The following BAZ2B variants were observed in gnomAD, a reference collection of about 807,000 sequenced individuals.
The protein encoded by BAZ2B is bromodomain adjacent to zinc finger domain 2B, also known as bromodomain adjacent to zinc finger domain protein 2B.
Under a neutral mutation model 246.0 loss-of-function variants are expected in BAZ2B, and 91 were observed. The observed-to-expected ratio is 0.37, with a 90% CI of 0.31 to 0.44. The LOEUF (loss-of-function observed/expected upper bound fraction) is 0.44. BAZ2B is among the 20% of genes least tolerant of loss of function. The pLI, the probability that BAZ2B is intolerant of heterozygous loss-of-function variation, is 1.00. For synonymous variants in BAZ2B, 855 were observed against 860.0 expected (o/e 0.99, Z 0.10); for missense variants, 2,332 against 2,533.7 (o/e 0.92, Z 1.71).
At chr2:159,483,187 C>G (rs532187234) in intron 2 of BAZ2B, among the ~76,000 whole-genome samples, 2 of 152,148 alleles carry the variant, frequency 1.3e-5, no homozygotes, top group East Asian at 3.9e-4. Flanking sequence ...ATTATAGTTT[C>G]TAATGTATAA....
At chr2:159,615,286 T>TGGGGGGG (rs1695678865) in intron 1 of BAZ2B, 2 of 136,078 alleles carry the variant, frequency 1.5e-5, no homozygotes, top group South Asian at 2.5e-4. Context: ...GAACGGGGGC[T>TGGGGGGG]GGGGGGAGGG....
At chr2:159,686,114 T>C in the BAZ2B span, among the ~76,000 whole-genome samples, 1 of 152,026 alleles carries the variant, frequency 6.6e-6, no homozygotes, top group African/African-American at 2.4e-5. Context: ...AATTTAAAAA[T>C]AGTTAGCTGA....
At position 159,473,509 on chromosome 2, in the gene BAZ2B, C is replaced by T. The variant is rs375162294; in HGVS notation, c.145+5066G>A. ...TATTTTGTTGATCTTTTCAAAAAAC[C>T]AGCTCCTGGATTCATTGATTTTTTG... On this transcript the variant is annotated intron_variant, in intron 3 of 36. Transcript: ENST00000392783. Among the ~76,000 whole-genome samples, 13 of 152,176 alleles carry T rather than the reference C, an allele frequency of 8.5e-5. No homozygotes were observed. In the East Asian group the frequency reaches 1.5e-3, roughly 18 times the overall value.
rs368374349 is a variant in BAZ2B at position 159,438,448 on chromosome 2, T to C, written c.1148A>G (p.Asn383Ser). ...ATTTACCAAAGATAAAGGTTTCACATTGGACACCAATCCCGTAGACTGTAT... is the reference window on the plus strand; with the variant it reads ...ATTTACCAAAGATAAAGGTTTCACACTGGACACCAATCCCGTAGACTGTAT... ...SVIQSTGLVS[N>S]VKPLSLVNQA... Residue 383 changes from asparagine to serine, a missense_variant, in exon 8 of 37, where the codon AAT (asparagine) becomes AGT (serine). Around this residue, in one of 9 missense-constraint regions of BAZ2B, gnomAD observed 161 missense variants for 225.8 expected, o/e 0.71. Transcript: ENST00000392783. 71 of 1,614,070 alleles carry C rather than the reference T, an allele frequency of 4.4e-5. No homozygotes were observed. The highest frequency in any genetic ancestry group is 5.5e-5 in the Non-Finnish European group (65 of 1,180,026).
chr2:159,678,299 C>T, the BAZ2B span, among the ~76,000 whole-genome samples: 3 of 152,168 alleles, frequency 2.0e-5, no homozygotes, highest in Admixed American at 2.0e-4. Flanking sequence ...GTTCCCTCAA[C>T]CCAACCATAA....
intron 25 of BAZ2B, among the ~76,000 whole-genome samples, chr2:159,381,289 A>G (rs2061969803): frequency 6.6e-6 from 1 of 152,158 alleles, no homozygotes. Context: ...ATACATGGGT[A>G]CCTCAAACTC....
chr2:159,550,414 G>A (rs1404379043), intron 2 of BAZ2B, among the ~76,000 whole-genome samples: 1 of 152,134 alleles, frequency 6.6e-6, no homozygotes, highest in East Asian at 1.9e-4. Context: ...CAAGGAGGAA[G>A]GGGGCGAAAA....
At chr2:159,388,858 G>A (rs2062961194) in intron 21 of BAZ2B, among the ~76,000 whole-genome samples, 1 of 151,992 alleles carries the variant, frequency 6.6e-6, no homozygotes, top group African/African-American at 2.4e-5. Flanking sequence ...CTTGAGCCCA[G>A]GAGTTCAAGA....
At chr2:159,560,681 C>T (rs756297582) in intron 1 of BAZ2B, among the ~76,000 whole-genome samples, 1 of 151,954 alleles carries the variant, frequency 6.6e-6, no homozygotes, top group Non-Finnish European at 1.5e-5. Flanking sequence ...GCGCCCACCA[C>T]CACGCCCAGC....
In BAZ2B at chr2:159,407,122, C is replaced by T. The variant is rs116426293; in HGVS notation, c.2678-2008G>A. Among the ~76,000 whole-genome samples, 959 of 151,938 alleles carry T rather than the reference C, an allele frequency of 6.3e-3. 5 individuals are homozygous for T. Among genetic ancestry groups the T allele is most frequent in the African/African-American group, 0.022 (895 of 41,434 alleles). ...CTTAATAAGATCAACATGATTGCCCCGCTTACACAAAAAATAACTAAGGCT... is the reference window on the plus strand; with the variant it reads ...CTTAATAAGATCAACATGATTGCCCTGCTTACACAAAAAATAACTAAGGCT... On this transcript the variant is annotated intron_variant, in intron 14 of 36. Transcript: ENST00000392783.
intron 2 of BAZ2B, among the ~76,000 whole-genome samples, chr2:159,496,474 G>A (rs1273194701): frequency 7.0e-6 from 1 of 143,190 alleles, no homozygotes; most frequent in Non-Finnish European, 1.5e-5. Context: ...GCAACAGAGT[G>A]AGACTCTGCA....
At chr2:159,619,200 A>C (rs1696330010), upstream of BAZ2B, among the ~76,000 whole-genome samples, 1 of 152,008 alleles carries the variant, frequency 6.6e-6, no homozygotes, top group South Asian at 2.1e-4. Context: ...AATTTTTATA[A>C]GAATATGTAT....
intron 33 of BAZ2B, 63 bp from the exon 34 acceptor site, chr2:159,332,749 T>C: frequency 6.5e-7 from 1 of 1,547,456 alleles, no homozygotes; most frequent in South Asian, 1.2e-5. Context: ...TATTGGGATG[T>C]TAAACACACC....
At chr2:159,693,898 A>C in the BAZ2B span, 5 of 152,138 alleles carry the variant, frequency 3.3e-5, no homozygotes, top group Admixed American at 6.5e-5. Flanking sequence ...TTAAGTTTTC[A>C]AACTTATTTG....
intron 13 of BAZ2B, among the ~76,000 whole-genome samples, chr2:159,427,379 T>C (rs577131756): frequency 6.6e-6 from 1 of 152,268 alleles, no homozygotes; most frequent in South Asian, 2.1e-4. Context: ...TGGTGATATG[T>C]TCAGAAATGT....
chr2:159,361,322 T>G (rs537415178), intron 27 of BAZ2B, among the ~76,000 whole-genome samples: 1 of 152,186 alleles, frequency 6.6e-6, no homozygotes, highest in Non-Finnish European at 1.5e-5. Context: ...AAAGAAGACA[T>G]TGATGCAGCC....
At chr2:159,603,961 T>C (rs527355594) in intron 1 of BAZ2B, among the ~76,000 whole-genome samples, 298 of 152,374 alleles carry the variant, frequency 2.0e-3, no homozygotes, top group Non-Finnish European at 3.1e-3. Context: ...AACAAACTAA[T>C]AATGCATATA....
the BAZ2B span, among the ~76,000 whole-genome samples, chr2:159,644,812 G>A: frequency 4.6e-5 from 7 of 152,190 alleles, no homozygotes; most frequent in South Asian, 2.1e-4. Flanking sequence ...ACCACCCTTC[G>A]TGTTCTCTTC....
intron 19 of BAZ2B, among the ~76,000 whole-genome samples, chr2:159,396,764 G>A (rs1391000972): frequency 6.6e-6 from 1 of 152,104 alleles, no homozygotes; most frequent in East Asian, 1.9e-4. Flanking sequence ...CATCTAGAAT[G>A]ATGGGAGAAT....
Sources: allele counts gnomAD v4.1 joint callset (sites outside exome capture counted in the v4.1 genomes callset), GRCh38; gene constraint gnomAD v4.1.1; regional missense constraint gnomAD v4.1.1; transcripts MANE v1.5; gene names NCBI Gene and HGNC (gene_info 2026-07-23, HGNC 2026-07-21).